Variants in ARL5A observed in about 807,000 individuals in gnomAD.
ARL5A encodes the protein ADP-ribosylation factor-like protein 5A.
A neutral mutation model predicts 25.9 loss-of-function variants in ARL5A; 18 were observed. That is an observed-to-expected ratio of 0.69 (90% CI 0.48 to 1.03). ARL5A has a LOEUF of 1.03. Among genes scored for constraint, ARL5A ranks in the 50% least tolerant of loss-of-function variants. The probability of loss-of-function intolerance (pLI) is 0.00; values close to 1 mark genes in which losing one functional copy is unlikely to be tolerated. For missense variants in ARL5A, 170 were observed against 211.9 expected (o/e 0.80, Z 1.23); for synonymous variants, 61 against 67.5 (o/e 0.90, Z 0.47).
rs1553735370 is a variant in ARL5A, at chr2:151,828,197, C to CCA, written c.-22_-21insTG. 6.7e-3 allele frequency: 10,705 copies of CCA among 1,605,394 alleles called. 63 individuals are homozygous for CCA. Among genetic ancestry groups the CCA allele is most frequent in the Non-Finnish European group, 8.2e-3 (9,635 of 1,176,068 alleles). ...CCCATTCTCGGGCAGCGGACCCCCC[C>CCA]CCTCCAGACACCCGGGCCGCCTGGC... On this transcript the variant is annotated 5_prime_UTR_variant, in exon 1 of 6. Transcript: ENST00000295087.
chr2:151,827,904 A>C, intron 1 of ARL5A: 2 of 550,134 alleles, frequency 3.6e-6, no homozygotes, highest in South Asian at 2.3e-5. Context: ...TACGGAAAAG[A>C]CTTCTTAGGA....
intron 1 of ARL5A, among the ~76,000 whole-genome samples, chr2:151,820,698 G>C (rs1176480233): frequency 7.5e-6 from 1 of 132,510 alleles, no homozygotes; most frequent in Non-Finnish European, 1.6e-5. Flanking sequence ...GAATCCATAT[G>C]TCTGGCATGG....
rs986481344 is a variant in ARL5A at position 151,799,765 on chromosome 2, G to C, written c.*3511C>G. ...AATCACTACCTCAAGCCAGTGGTGA[G>C]AAGATAGCAAGGAACTAGAAAAGCT... On this transcript the variant is annotated 3_prime_UTR_variant, in exon 6 of 6. Transcript: ENST00000295087. 4 of 152,232 alleles carry C rather than the reference G, an allele frequency of 2.6e-5. No homozygotes were observed. The highest frequency in any genetic ancestry group is 5.9e-5 in the Non-Finnish European group (4 of 68,052). 9.4% of individuals were successfully genotyped at this position (152,232 alleles called of 1,614,324 possible). A position where few individuals can be genotyped will look rare whatever the true frequency, so the allele number is the denominator to read the frequency against.
intron 2 of ARL5A, 66 bp downstream of exon 2, chr2:151,815,073 T>C: frequency 8.3e-7 from 1 of 1,205,988 alleles, no homozygotes; most frequent in Non-Finnish European, 1.2e-6. Flanking sequence ...CATTCATTGA[T>C]CGACTATCAC....
chr2:151,808,580 GC>G (rs2099830410), intron 4 of ARL5A, among the ~76,000 whole-genome samples: 1 of 152,140 alleles, frequency 6.6e-6, no homozygotes, highest in African/African-American at 2.4e-5. Flanking sequence ...AAGGAATACT[GC>G]TACAATGTTT....
chr2:151,820,685 A>AAG (rs915011696), intron 1 of ARL5A, among the ~76,000 whole-genome samples: 5 of 150,496 alleles, frequency 3.3e-5, no homozygotes, highest in Non-Finnish European at 7.4e-5. Context: ...AAAAAAAAAA[A>AAG]CAGAATCCAT....
chr2:151,808,868 C>T (rs544456996), intron 4 of ARL5A, among the ~76,000 whole-genome samples: 2 of 152,006 alleles, frequency 1.3e-5, no homozygotes, highest in Non-Finnish European at 2.9e-5. Flanking sequence ...GCCAACAGGG[C>T]GAAACCCCGT....
In ARL5A at chr2:151,802,269, T is replaced by C. The variant is rs878934296; in HGVS notation, c.*1007A>G. The C allele has an allele frequency of 6.6e-6, 1 of 152,148 alleles. No homozygotes were observed. Among genetic ancestry groups the C allele is most frequent in the African/African-American group, 2.4e-5 (1 of 41,462 alleles). The allele number at this position is 152,148 out of a possible 1,614,324, so 9.4% of individuals were successfully genotyped here. A position where few individuals can be genotyped will look rare whatever the true frequency, so the allele number is the denominator to read the frequency against. On this transcript the variant is annotated 3_prime_UTR_variant, in exon 6 of 6. Transcript: ENST00000295087. ...TATAATTTAATACTTAAAAATAATA[T>C]AGCTAAGTTGTTTAATAGTATTTAT...
Position 151,806,826 on chromosome 2 carries a change from G to C in ARL5A, c.486C>G (p.Gly162=). 1 of 1,601,758 alleles carries C rather than the reference G, an allele frequency of 6.2e-7. No individual in the cohort carries two copies. Residue 162 remains glycine (G), a synonymous_variant, in exon 5 of 6, where the codon GGC becomes GGG. Transcript: ENST00000295087. ...TTAAGAGGAAGATGTCTTACCCCTC[G>C]CCAGTTAGAGCACAGCATGCCTGGA... The part of the protein sequence containing the change: ...WHIQACCALT[G]EGLCQGLEWM...
In ARL5A at chr2:151,806,903, C is replaced by G. The variant is rs780521220; in HGVS notation, c.409G>C (p.Glu137Gln). Residue 137 changes from glutamate to glutamine, a missense_variant, in exon 5 of 6, where the codon GAA becomes CAA. Glu to Gln is a conservative substitution (Grantham distance 29, BLOSUM62 2). Coordinates refer to ENST00000295087, the MANE Select transcript of ARL5A (RefSeq NM_012097.4). ...QDVKECMTVAEISQFLKLTSI... is the reference protein window; with the variant it reads ...QDVKECMTVAQISQFLKLTSI... ...GTTAGCTTCAAAAACTGGGAGATTT[C>G]TGCTACAGTCATGCATTCTTTAACA... The G allele has an allele frequency of 1.9e-6, 3 of 1,613,548 alleles. No homozygotes were observed. In the South Asian group the frequency reaches 3.3e-5, roughly 18 times the overall value.
chr2:151,819,804 C>A (rs1176595354), intron 1 of ARL5A, among the ~76,000 whole-genome samples: 1 of 151,968 alleles, frequency 6.6e-6, no homozygotes, highest in African/African-American at 2.4e-5. Flanking sequence ...ACCTGTAATC[C>A]CAGCACTTTG....
At chr2:151,811,675 G>T (rs1019328213) in intron 4 of ARL5A, among the ~76,000 whole-genome samples, 1 of 152,160 alleles carries the variant, frequency 6.6e-6, no homozygotes, top group Non-Finnish European at 1.5e-5. Flanking sequence ...GGGCTCAAGC[G>T]ATCTACTCGC....
Position 151,802,295 on chromosome 2 carries a change from AGAATG to A in ARL5A, c.*976_*980del, listed in dbSNP as rs749835322. 7 of 152,174 alleles carry A rather than the reference AGAATG, an allele frequency of 4.6e-5. No homozygotes were observed. The highest frequency in any genetic ancestry group is 7.4e-5 in the Non-Finnish European group (5 of 67,986). The allele number at this position is 152,174 out of a possible 1,614,324, so 9.4% of individuals were successfully genotyped here. On this transcript the variant is annotated 3_prime_UTR_variant, in exon 6 of 6. Coordinates refer to ENST00000295087, the MANE Select transcript of ARL5A (RefSeq NM_012097.4). ...AGCTAAGTTGTTTAATAGTATTTAT[AGAATG>A]CTACTTTTCTGGGTAGACATGTTTC...
intron 5 of ARL5A, among the ~76,000 whole-genome samples, chr2:151,804,325 A>G (rs2099829806): frequency 6.6e-6 from 1 of 152,214 alleles, no homozygotes; most frequent in Non-Finnish European, 1.5e-5. Context: ...TGAGCAAGAG[A>G]GAAATGGTTG....
At chr2:151,808,120 G>C (rs3820705) in intron 4 of ARL5A, among the ~76,000 whole-genome samples, 144,410 of 152,196 alleles carry the variant, frequency 0.95, 68,663 homozygotes, top group Non-Finnish European at 0.98. Context: ...TTAATAAATA[G>C]CCTAAATTCC....
chr2:151,828,197 C>CCCA lies in ARL5A; in HGVS notation c.-22_-21insTGG, dbSNP rs2099833357. On this transcript the variant is annotated 5_prime_UTR_variant, in exon 1 of 6. Transcript: ENST00000295087. ...CCCATTCTCGGGCAGCGGACCCCCC[C>CCCA]CCTCCAGACACCCGGGCCGCCTGGC... 1.9e-6 allele frequency: 3 copies of CCCA among 1,605,464 alleles called. No individual in the cohort carries two copies. Among genetic ancestry groups the CCCA allele is most frequent in the Non-Finnish European group, 2.6e-6 (3 of 1,176,130 alleles).
Position 151,802,932 on chromosome 2 carries a change from C to T in ARL5A, c.*344G>A, listed in dbSNP as rs2099829623. 5.3e-6 allele frequency: 1 copy of T among 190,434 alleles called. No individual in the cohort carries two copies. The highest frequency in any genetic ancestry group is 5.8e-5 in the Admixed American group (1 of 17,160). The allele number at this position is 190,434 out of a possible 1,614,324, so 11.8% of individuals were successfully genotyped here. A position where few individuals can be genotyped will look rare whatever the true frequency, so the allele number is the denominator to read the frequency against. On this transcript the variant is annotated 3_prime_UTR_variant, in exon 6 of 6. Coordinates refer to ENST00000295087, the MANE Select transcript of ARL5A (RefSeq NM_012097.4). Reference sequence around the variant, plus strand: ...ACTTAATGGAACAAGAAGAAAATAACATTCAACTAGGGAGGGTTAAACTGA... The same window carrying T: ...ACTTAATGGAACAAGAAGAAAATAATATTCAACTAGGGAGGGTTAAACTGA...
intron 4 of ARL5A, among the ~76,000 whole-genome samples, chr2:151,810,131 A>G (rs1435308331): frequency 1.3e-5 from 2 of 152,208 alleles, no homozygotes; most frequent in Non-Finnish European, 2.9e-5. Context: ...GGTAACTCCT[A>G]GAAGTTGAGT....
intron 4 of ARL5A, 146 bp from the exon 5 acceptor site, chr2:151,807,118 C>T (rs747082543): frequency 2.9e-6 from 2 of 699,114 alleles, no homozygotes; most frequent in Non-Finnish European, 4.7e-6. Context: ...GCTGATAACA[C>T]ATTTTTTATA....
Sources: allele counts gnomAD v4.1 joint callset (sites outside exome capture counted in the v4.1 genomes callset), GRCh38; gene constraint gnomAD v4.1.1; transcripts MANE v1.5; gene names NCBI Gene and HGNC (gene_info 2026-07-23, HGNC 2026-07-21).